HEMK2: variants seen among roughly 807,000 people sequenced by gnomAD.
HEMK2 encodes the protein methyltransferase HEMK2.
the HEMK2 span, among the ~76,000 whole-genome samples, chr21:28,863,509 C>G: frequency 8.1e-6 from 1 of 123,802 alleles, no homozygotes. Context: ...GCTAATAAAC[C>G]AAGGTTCCGT....
the HEMK2 span, among the ~76,000 whole-genome samples, chr21:28,673,955 G>T: frequency 6.6e-6 from 1 of 152,148 alleles, no homozygotes; most frequent in East Asian, 1.9e-4. Flanking sequence ...ATAGAAGCTG[G>T]GTAAAATGAG....
chr21:28,777,181 T>G, the HEMK2 span, among the ~76,000 whole-genome samples: 366 of 152,350 alleles, frequency 2.4e-3, no homozygotes, highest in African/African-American at 8.4e-3. Flanking sequence ...CTAAGAAGGC[T>G]TATGATATGG....
chr21:28,595,077 T>C, the HEMK2 span, among the ~76,000 whole-genome samples: 4 of 152,268 alleles, frequency 2.6e-5, no homozygotes, highest in Non-Finnish European at 4.4e-5. Context: ...ATTTATAAGA[T>C]ACATGAGATG....
chr21:28,878,072 A>T, the HEMK2 span: 1 of 847,668 alleles, frequency 1.2e-6, no homozygotes, highest in Non-Finnish European at 1.7e-6. Flanking sequence ...ACTGTCAGTG[A>T]TTAACTGTTT....
the HEMK2 span, among the ~76,000 whole-genome samples, chr21:28,795,525 C>G: frequency 6.6e-6 from 1 of 152,182 alleles, no homozygotes; most frequent in Non-Finnish European, 1.5e-5. Flanking sequence ...GCAATACCTA[C>G]CATGGTGATC....
At chr21:28,750,421 G>A in the HEMK2 span, among the ~76,000 whole-genome samples, 1 of 152,102 alleles carries the variant, frequency 6.6e-6, no homozygotes, top group Non-Finnish European at 1.5e-5. Flanking sequence ...AGTCTCAGCT[G>A]GGAGCGGTGA....
chr21:28,673,226 GAAGA>G, the HEMK2 span, among the ~76,000 whole-genome samples: 13 of 151,844 alleles, frequency 8.6e-5, no homozygotes, highest in South Asian at 1.9e-3. Context: ...ATGAAAGGGG[GAAGA>G]AAGAAAGATT....
the HEMK2 span, among the ~76,000 whole-genome samples, chr21:28,628,477 G>A: frequency 6.0e-4 from 92 of 152,230 alleles, no homozygotes; most frequent in Admixed American, 1.2e-3. Flanking sequence ...TTGAGACAGA[G>A]TTTCACTCTT....
At chr21:28,827,568 T>C in the HEMK2 span, among the ~76,000 whole-genome samples, 1 of 152,160 alleles carries the variant, frequency 6.6e-6, no homozygotes, top group South Asian at 2.1e-4. Flanking sequence ...CTCTCCACTT[T>C]AGAAATCAAG....
chr21:28,597,144 G>C, the HEMK2 span, among the ~76,000 whole-genome samples: 1 of 151,962 alleles, frequency 6.6e-6, no homozygotes, highest in Non-Finnish European at 1.5e-5. Flanking sequence ...TAGGCAAAAG[G>C]GAACAAGAAT....
the HEMK2 span, among the ~76,000 whole-genome samples, chr21:28,604,029 G>A: frequency 6.6e-6 from 1 of 152,168 alleles, no homozygotes; most frequent in Non-Finnish European, 1.5e-5. Context: ...ACAGTCCTTA[G>A]AATTAAAGGA....
chr21:28,772,439 G>A, the HEMK2 span, among the ~76,000 whole-genome samples: 133 of 152,204 alleles, frequency 8.7e-4, no homozygotes, highest in African/African-American at 2.9e-3. Context: ...TCTTAATGCC[G>A]TAAGATTTAT....
chr21:28,701,100 C>G, the HEMK2 span, among the ~76,000 whole-genome samples: 4 of 152,096 alleles, frequency 2.6e-5, no homozygotes, highest in East Asian at 1.9e-4. Context: ...CTCCAACATG[C>G]CTTCATGATG....
the HEMK2 span, among the ~76,000 whole-genome samples, chr21:28,713,109 G>A: frequency 5.3e-5 from 8 of 152,258 alleles, no homozygotes; most frequent in Admixed American, 5.2e-4. Context: ...ACCACAGGCT[G>A]AGTTTCCAAT....
At chr21:28,666,845 C>T in the HEMK2 span, among the ~76,000 whole-genome samples, 1 of 151,994 alleles carries the variant, frequency 6.6e-6, no homozygotes, top group African/African-American at 2.4e-5. Context: ...ACTTACTATA[C>T]AAAAGACAGA....
chr21:28,646,819 G>A, the HEMK2 span, among the ~76,000 whole-genome samples: 2 of 152,150 alleles, frequency 1.3e-5, no homozygotes. Flanking sequence ...CATTGGTTGG[G>A]GCATGGCAAG....
At chr21:28,790,670 G>T in the HEMK2 span, among the ~76,000 whole-genome samples, 1 of 151,742 alleles carries the variant, frequency 6.6e-6, no homozygotes. Context: ...TCTAACTTTA[G>T]GAAAAAATAT....
At chr21:28,655,188 G>A in the HEMK2 span, among the ~76,000 whole-genome samples, 1 of 151,776 alleles carries the variant, frequency 6.6e-6, no homozygotes, top group African/African-American at 2.4e-5. Context: ...TTCTACTGTT[G>A]GAAAATACCC....
the HEMK2 span, among the ~76,000 whole-genome samples, chr21:28,714,380 A>G: frequency 6.6e-6 from 1 of 152,232 alleles, no homozygotes; most frequent in Non-Finnish European, 1.5e-5. Flanking sequence ...GAGGCCTATT[A>G]ATTTTGCTCA....
Sources: gnomAD v4.1 joint callset for allele counts (sites outside exome capture counted in the v4.1 genomes callset) on GRCh38, gnomAD v4.1.1 for gene constraint, MANE v1.5 for transcripts, NCBI Gene and HGNC (gene_info 2026-07-23, HGNC 2026-07-21) for gene names.